Variants in CHRM3 observed in about 807,000 individuals in gnomAD.
CHRM3 encodes muscarinic acetylcholine receptor M3.
CHRM3 carries 11 observed loss-of-function variants against 41.8 expected under a neutral mutation model. That is an observed-to-expected ratio of 0.26 (90% CI 0.17 to 0.44). The LOEUF is 0.44. Among genes scored for constraint, CHRM3 ranks in the 20% least tolerant of loss-of-function variants. The pLI is 1.00. For synonymous variants in CHRM3, 297 were observed against 301.4 expected (o/e 0.99, Z 0.15); for missense variants, 571 against 745.4 (o/e 0.77, Z 2.72).
At chr1:239,811,969 G>GTT (rs1306516784) in intron 5 of CHRM3, among the ~76,000 whole-genome samples, 3 of 152,206 alleles carry the variant, frequency 2.0e-5, no homozygotes, top group Non-Finnish European at 4.4e-5. Flanking sequence ...ATAAGTCAGT[G>GTT]TTTAATTCAT....
At chr1:239,777,918 A>G (rs1668222885) in intron 5 of CHRM3, among the ~76,000 whole-genome samples, 1 of 152,218 alleles carries the variant, frequency 6.6e-6, no homozygotes, top group African/African-American at 2.4e-5. Flanking sequence ...ACAGCGCTGG[A>G]TAAGAGTGAT....
At chr1:239,690,327 C>A (rs1331877335) in intron 5 of CHRM3, among the ~76,000 whole-genome samples, 1 of 152,116 alleles carries the variant, frequency 6.6e-6, no homozygotes, top group Non-Finnish European at 1.5e-5. Flanking sequence ...TCAAGCAATT[C>A]TCCTGCCTCA....
chr1:239,614,318 C>T (rs571824039), intron 3 of CHRM3, among the ~76,000 whole-genome samples: 1 of 152,190 alleles, frequency 6.6e-6, no homozygotes, highest in Admixed American at 6.5e-5. Flanking sequence ...TTACGTTTCT[C>T]AAAAATTAAT....
intron 4 of CHRM3, among the ~76,000 whole-genome samples, chr1:239,643,313 AT>A (rs1317875542): frequency 6.6e-6 from 1 of 152,196 alleles, no homozygotes; most frequent in African/African-American, 2.4e-5. Flanking sequence ...AGACAGGGAC[AT>A]TTAAGTCTGC....
At chr1:239,577,290 G>C (rs529995630) in intron 3 of CHRM3, among the ~76,000 whole-genome samples, 1 of 150,758 alleles carries the variant, frequency 6.6e-6, no homozygotes, top group Non-Finnish European at 1.5e-5. Flanking sequence ...CACTGATAAG[G>C]TTATGTTATG....
chr1:239,710,586 T>A (rs559088496), intron 5 of CHRM3, among the ~76,000 whole-genome samples: 2 of 152,240 alleles, frequency 1.3e-5, no homozygotes, highest in South Asian at 4.1e-4. Context: ...AGATACAAGC[T>A]TCAGTTAAGC....
At chr1:239,556,106 A>G (rs1004071170) in intron 3 of CHRM3, among the ~76,000 whole-genome samples, 3 of 152,188 alleles carry the variant, frequency 2.0e-5, no homozygotes, top group African/African-American at 7.2e-5. Context: ...GAAATGAGAA[A>G]CATTAACTAC....
At chr1:239,582,929 G>A (rs1663034738) in intron 3 of CHRM3, among the ~76,000 whole-genome samples, 3 of 152,112 alleles carry the variant, frequency 2.0e-5, no homozygotes, top group Admixed American at 2.0e-4. Context: ...GAGCTCTCCA[G>A]AGTCATAGAA....
intron 5 of CHRM3, among the ~76,000 whole-genome samples, chr1:239,791,616 G>C (rs947702607): frequency 1.3e-5 from 2 of 152,152 alleles, no homozygotes; most frequent in African/African-American, 4.8e-5. Context: ...GCCATCCTAA[G>C]ACTGGCTTTG....
At chr1:239,657,555 AT>A (rs1672823345) in intron 4 of CHRM3, among the ~76,000 whole-genome samples, 1 of 152,226 alleles carries the variant, frequency 6.6e-6, no homozygotes, top group Non-Finnish European at 1.5e-5. Context: ...TCAGCAACTA[AT>A]ATGAACTCTT....
At chr1:239,799,697 TC>T (rs1339070051) in intron 5 of CHRM3, among the ~76,000 whole-genome samples, 1 of 152,198 alleles carries the variant, frequency 6.6e-6, no homozygotes, top group African/African-American at 2.4e-5. Flanking sequence ...CAGTGCAGAT[TC>T]CGTTGTCTTT....
intron 6 of CHRM3, among the ~76,000 whole-genome samples, chr1:239,859,401 T>TG (rs1553286536): frequency 6.9e-6 from 1 of 145,908 alleles, no homozygotes; most frequent in Admixed American, 6.8e-5. Context: ...GCCTGTTTTT[T>TG]TTGTTGTTGT....
At chr1:239,871,980 A>C (rs931761603) in intron 6 of CHRM3, among the ~76,000 whole-genome samples, 1 of 152,202 alleles carries the variant, frequency 6.6e-6, no homozygotes, top group Non-Finnish European at 1.5e-5. Flanking sequence ...GTGTTGATTG[A>C]ATTCTGGAAA....
At chr1:239,755,946 G>C (rs1202649198) in intron 5 of CHRM3, among the ~76,000 whole-genome samples, 3 of 152,130 alleles carry the variant, frequency 2.0e-5, no homozygotes, top group African/African-American at 7.2e-5. Flanking sequence ...ACTTTTTTTA[G>C]AATATCGTAT....
rs1381916124 is a variant in CHRM3, at chr1:239,387,471, G to A, written c.-521+244G>A. Among the ~76,000 whole-genome samples the A allele has an allele frequency of 6.6e-6, 1 of 152,040 alleles. No homozygotes were observed. Among genetic ancestry groups the A allele is most frequent in the African/African-American group, 2.4e-5 (1 of 41,414 alleles). On this transcript the variant is annotated intron_variant, in intron 1 of 6. Coordinates refer to ENST00000676153, the MANE Select transcript of CHRM3 (RefSeq NM_001375978.1). This position sits in a 1 kb window ranked among gnomAD's most constrained non-coding sequence, Gnocchi z 5.1. ...TGCGGAGTTGGAGTTCTGGGACTGA[G>A]GGTGGGGAACGCCCGCTGGCACTCA...
intron 5 of CHRM3, chr1:239,707,325 T>C (rs1433259450): frequency 6.6e-6 from 1 of 152,070 alleles, no homozygotes; most frequent in South Asian, 2.1e-4. Context: ...TATTCGCGAG[T>C]CTAAAAAAAA....
intron 3 of CHRM3, among the ~76,000 whole-genome samples, chr1:239,558,672 G>A (rs1660597759): frequency 6.6e-6 from 1 of 152,144 alleles, no homozygotes; most frequent in Non-Finnish European, 1.5e-5. Context: ...AAGCTCTTTT[G>A]TGTGACTGGG....
At chr1:239,570,735 A>G (rs551367683) in intron 3 of CHRM3, among the ~76,000 whole-genome samples, 1 of 152,256 alleles carries the variant, frequency 6.6e-6, no homozygotes, top group Non-Finnish European at 1.5e-5. Context: ...TAGTCTGCTC[A>G]AAAATGTGAG....
intron 5 of CHRM3, among the ~76,000 whole-genome samples, chr1:239,728,719 T>A (rs1292648282): frequency 6.6e-6 from 1 of 151,958 alleles, no homozygotes; most frequent in African/African-American, 2.4e-5. Context: ...TGCTTTTCAT[T>A]CTAACTTCTA....
Sources: allele counts gnomAD v4.1 joint callset (sites outside exome capture counted in the v4.1 genomes callset), GRCh38; gene constraint gnomAD v4.1.1; non-coding constraint Gnocchi (gnomAD v3.1); transcripts MANE v1.5; gene names NCBI Gene and HGNC (gene_info 2026-07-23, HGNC 2026-07-21).